ARHGEF7: variants seen among roughly 807,000 people sequenced by gnomAD.
The protein encoded by ARHGEF7 is PAK-interacting exchange factor beta.
In ARHGEF7, 33 loss-of-function variants were observed where a neutral mutation model predicts 109.8. The observed-to-expected ratio is 0.30, with a 90% CI of 0.23 to 0.40. The LOEUF (loss-of-function observed/expected upper bound fraction) is 0.40, where lower values mean the gene tolerates loss of function less well. Among genes scored for constraint, ARHGEF7 ranks in the 10% least tolerant of loss-of-function variants. The pLI is 1.00. For missense variants in ARHGEF7, 938 were observed against 1,098.5 expected, an observed-to-expected ratio of 0.85 and a Z score of 2.07; for synonymous variants, 458 against 424.6, an observed-to-expected ratio of 1.08 and a Z score of -0.97.
intron 2 of ARHGEF7, among the ~76,000 whole-genome samples, chr13:111,162,108 G>T (rs1386254235): frequency 6.6e-6 from 1 of 152,234 alleles, no homozygotes; most frequent in Non-Finnish European, 1.5e-5. Context: ...ACAGCTTCCA[G>T]AGAACTTTTG....
intron 1 of ARHGEF7, among the ~76,000 whole-genome samples, chr13:111,146,749 G>A (rs1456030601): frequency 1.3e-5 from 2 of 152,154 alleles, no homozygotes; most frequent in African/African-American, 4.8e-5. Context: ...GGTTGAGGGT[G>A]GAGATGATTG....
Position 111,267,730 on chromosome 13 carries a change from G to A in ARHGEF7, c.1073+60G>A. 2.5e-6 allele frequency: 4 copies of A among 1,594,228 alleles called. No individual in the cohort carries two copies. In the South Asian group the frequency reaches 4.5e-5, roughly 18 times the overall value. On this transcript the variant is annotated intron_variant, in intron 9 of 21. Coordinates refer to ENST00000646102, the MANE Select transcript of ARHGEF7 (RefSeq NM_001354046.2). Reference sequence around the variant, plus strand: ...TGGATGGCTCTGTGTCCTTCAAATAGTGCATGAAATAGTATGATGCTAATA... The same window carrying A: ...TGGATGGCTCTGTGTCCTTCAAATAATGCATGAAATAGTATGATGCTAATA...
At chr13:111,289,409 C>T (rs947483812) in intron 18 of ARHGEF7, among the ~76,000 whole-genome samples, 7 of 152,184 alleles carry the variant, frequency 4.6e-5, no homozygotes, top group Admixed American at 6.5e-5. Flanking sequence ...GCTGATGCAG[C>T]GTGCCTGTCA....
At chr13:111,289,062 C>T (rs1429453223) in intron 18 of ARHGEF7, among the ~76,000 whole-genome samples, 3 of 151,762 alleles carry the variant, frequency 2.0e-5, no homozygotes, top group African/African-American at 7.3e-5. Flanking sequence ...GACGGAGTCT[C>T]GCTCTGTCAC....
rs754251587 is a variant in ARHGEF7 at position 111,301,493 on chromosome 13, C to T, written c.2427C>T (p.Thr809=). The change falls in exon 21 of 22, where the codon ACC becomes ACT. Residue 809 remains threonine (T), a synonymous_variant. Coordinates refer to ENST00000646102, the MANE Select transcript of ARHGEF7 (RefSeq NM_001354046.2). ...TVIEEKSLVD[T]VYALKDEVQE... The stretch of plus-strand genomic sequence containing the variant: ...CCTGTTTCAGGAGTCTTGTGGATAC[C>T]GTATATGCATTAAAGGATGAAGTTC... 1.6e-5 allele frequency: 25 copies of T among 1,612,482 alleles called. 1 individual carries two copies. Among genetic ancestry groups the T allele is most frequent in the Middle Eastern group, 3.3e-4 (2 of 6,080 alleles).
At chr13:111,138,527 A>G (rs1594940022) in intron 1 of ARHGEF7, among the ~76,000 whole-genome samples, 1 of 152,274 alleles carries the variant, frequency 6.6e-6, no homozygotes, top group East Asian at 1.9e-4. Context: ...CTGCTCATCA[A>G]GGAAGCAGTT....
rs753851470 is a variant in ARHGEF7, at chr13:111,154,003, C to G, written c.252+12C>G. On this transcript the variant is annotated intron_variant, in intron 2 of 21. Transcript: ENST00000646102. ...CCCTGCGGCTGGAGGTGAGCGCGGG[C>G]GGCCACGGGCCGAGGGAGGGGCCGG... The G allele has an allele frequency of 3.8e-6, 6 of 1,593,994 alleles. No individual in the cohort carries two copies. Among genetic ancestry groups the G allele is most frequent in the Non-Finnish European group, 5.1e-6 (6 of 1,173,762 alleles).
intron 8 of ARHGEF7, among the ~76,000 whole-genome samples, chr13:111,259,087 C>A (rs554278812): frequency 1.3e-5 from 2 of 152,180 alleles, no homozygotes; most frequent in Non-Finnish European, 2.9e-5. Context: ...CAGCTAGATT[C>A]CTAAGGTTTC....
At position 111,228,278 on chromosome 13, in the gene ARHGEF7, A is replaced by G; in HGVS notation, c.671-4927A>G. Reference sequence around the variant, plus strand: ...AAAGCCATTGTTTTGACACACAGGAAGATCTGAATATAGACTAGGCATTAG... The same window carrying G: ...AAAGCCATTGTTTTGACACACAGGAGGATCTGAATATAGACTAGGCATTAG... On this transcript the variant is annotated intron_variant, in intron 5 of 21. Coordinates refer to ENST00000646102, the MANE Select transcript of ARHGEF7 (RefSeq NM_001354046.2). The surrounding 1 kb of genome is among the most constrained non-coding windows in gnomAD (Gnocchi z 4.6). Among the ~76,000 whole-genome samples the G allele has an allele frequency of 6.6e-6, 1 of 152,262 alleles. No individual in the cohort carries two copies. Among genetic ancestry groups the G allele is most frequent in the East Asian group, 1.9e-4 (1 of 5,204 alleles).
intron 8 of ARHGEF7, among the ~76,000 whole-genome samples, chr13:111,249,385 G>A (rs898093353): frequency 6.6e-6 from 1 of 152,004 alleles, no homozygotes; most frequent in Non-Finnish European, 1.5e-5. Flanking sequence ...GGTAACAGGA[G>A]CATTTGTGCT....
intron 2 of ARHGEF7, chr13:111,203,200 T>G: frequency 1.2e-6 from 1 of 843,930 alleles, no homozygotes; most frequent in Admixed American, 3.1e-5. Flanking sequence ...TTCAGAGCAC[T>G]AAGATTAGAT....
chr13:111,148,335 C>CTTACTAT (rs1181487019), intron 1 of ARHGEF7, among the ~76,000 whole-genome samples: 1 of 152,252 alleles, frequency 6.6e-6, no homozygotes, highest in Non-Finnish European at 1.5e-5. Flanking sequence ...ATTTGTTATA[C>CTTACTAT]AGCCAGGCAC....
At chr13:111,155,735 A>T (rs1345851085) in intron 2 of ARHGEF7, among the ~76,000 whole-genome samples, 1 of 152,210 alleles carries the variant, frequency 6.6e-6, no homozygotes, top group Non-Finnish European at 1.5e-5. Flanking sequence ...TTGGCACATT[A>T]AGATTATCTG....
At chr13:111,141,026 A>G (rs893605915) in intron 1 of ARHGEF7, among the ~76,000 whole-genome samples, 3 of 152,192 alleles carry the variant, frequency 2.0e-5, no homozygotes, top group African/African-American at 7.2e-5. Context: ...AGGTTTCCAG[A>G]AGAACTGAGC....
At chr13:111,264,838 A>C (rs558005780) in intron 8 of ARHGEF7, among the ~76,000 whole-genome samples, 1 of 152,076 alleles carries the variant, frequency 6.6e-6, no homozygotes, top group Admixed American at 6.5e-5. Flanking sequence ...TTACATTTCT[A>C]TTGTCTGTAT....
intron 8 of ARHGEF7, among the ~76,000 whole-genome samples, chr13:111,248,968 C>G (rs2089344614): frequency 6.6e-6 from 1 of 152,176 alleles, no homozygotes; most frequent in Admixed American, 6.5e-5. Flanking sequence ...TTAACTTGGT[C>G]AGGCTCAAAT....
rs1380509350 is a variant in ARHGEF7 at position 111,305,354 on chromosome 13, C to T, written c.*2241C>T. Reference sequence around the variant, plus strand: ...ACTTGATATAAACGTTTAAAGGGGCCACGATTTGCCCGAGGGTTACTCCTT... The same window carrying T: ...ACTTGATATAAACGTTTAAAGGGGCTACGATTTGCCCGAGGGTTACTCCTT... On this transcript the variant is annotated 3_prime_UTR_variant, in exon 22 of 22. Coordinates refer to ENST00000646102, the MANE Select transcript of ARHGEF7 (RefSeq NM_001354046.2). 5 of 152,232 alleles carry T rather than the reference C, an allele frequency of 3.3e-5. No individual in the cohort carries two copies. Among genetic ancestry groups the T allele is most frequent in the Non-Finnish European group, 5.9e-5 (4 of 68,060 alleles). 9.4% of individuals were successfully genotyped at this position (152,232 alleles called of 1,614,324 possible). A position where few individuals can be genotyped will look rare whatever the true frequency, so the allele number is the denominator to read the frequency against.
chr13:111,259,656 A>G (rs1284472541), intron 8 of ARHGEF7, among the ~76,000 whole-genome samples: 1 of 152,208 alleles, frequency 6.6e-6, no homozygotes, highest in African/African-American at 2.4e-5. Flanking sequence ...GGATGGGTAC[A>G]AACAAGCCTA....
At chr13:111,192,819 A>G (rs561658833) in intron 2 of ARHGEF7, among the ~76,000 whole-genome samples, 1 of 152,222 alleles carries the variant, frequency 6.6e-6, no homozygotes, top group Non-Finnish European at 1.5e-5. Context: ...TAGGACTTTA[A>G]TCACTTCCTG....
Sources: allele counts gnomAD v4.1 joint callset (sites outside exome capture counted in the v4.1 genomes callset), GRCh38; gene constraint gnomAD v4.1.1; non-coding constraint Gnocchi (gnomAD v3.1); transcripts MANE v1.5; gene names NCBI Gene and HGNC (gene_info 2026-07-23, HGNC 2026-07-21).